ZNF638: variants seen among roughly 807,000 people sequenced by gnomAD.
ZNF638 encodes the protein zinc finger protein 638.
A neutral mutation model predicts 195.6 loss-of-function variants in ZNF638; 46 were observed. The observed-to-expected ratio is 0.24, with a 90% CI of 0.19 to 0.30. ZNF638 has a LOEUF of 0.30. Ranked by LOEUF, ZNF638 falls within the 10% of genes least tolerant of loss-of-function variation. The probability of loss-of-function intolerance (pLI) is 1.00; values close to 1 mark genes in which losing one functional copy is unlikely to be tolerated. For missense variants in ZNF638, 2,440 were observed against 2,325.3 expected, an observed-to-expected ratio of 1.05 and a Z score of -1.01; for synonymous variants, 845 against 772.0, an observed-to-expected ratio of 1.09 and a Z score of -1.57.
chr2:71,380,065 A>G (rs1374407385), intron 8 of ZNF638, 157 bp from the exon 9 acceptor site: 1 of 456,744 alleles, frequency 2.2e-6, no homozygotes, highest in East Asian at 3.7e-5. Context: ...ATGTAAAATT[A>G]GGCTGTGTAA....
chr2:71,395,857 G>T (rs540735972), intron 10 of ZNF638: 1 of 490,454 alleles, frequency 2.0e-6, no homozygotes, highest in African/African-American at 2.0e-5. Flanking sequence ...TGGAAATGGG[G>T]AATAATTCCT....
chr2:71,383,744 CTTTTTTTTTTTCTTTTTCTTTT>C (rs1211595980), intron 10 of ZNF638, among the ~76,000 whole-genome samples: 1 of 92,534 alleles, frequency 1.1e-5, no homozygotes, highest in Non-Finnish European at 2.2e-5. Context: ...GCTAATTTTT[CTTTTTTTTTTTCTTTTTCTTTT>C]TTTTTTTTTT....
Position 71,400,514 on chromosome 2 carries a change from A to T in ZNF638, c.2693A>T (p.Asn898Ile). The T allele has an allele frequency of 6.2e-7, 1 of 1,602,948 alleles. No individual in the cohort carries two copies. Among genetic ancestry groups the T allele is most frequent in the Non-Finnish European group, 8.5e-7 (1 of 1,176,018 alleles). The change falls in exon 15 of 28, where the codon AAC (asparagine) becomes ATC (isoleucine). Residue 898 changes from asparagine to isoleucine, a missense_variant. Coordinates refer to ENST00000264447, the MANE Select transcript of ZNF638 (RefSeq NM_014497.5). ...ALEATENEPLNKETEEMCVML... is the reference protein window; with the variant it reads ...ALEATENEPLIKETEEMCVML... ...GAGGCCACAGAGAATGAACCACTTAACAAGGTCAGTTTTCATGTTTTATTT... is the reference window on the plus strand; with the variant it reads ...GAGGCCACAGAGAATGAACCACTTATCAAGGTCAGTTTTCATGTTTTATTT...
rs1230172822 is a variant in ZNF638 at position 71,363,955 on chromosome 2, A to G, written c.1420A>G (p.Asn474Asp). ...WNPEILPSRR[N>D]EGNRKENETP... ...TCTTTTCCGCCCCCCTGCTTGTAGA[A>G]ATGAGGGCAATAGAAAAGAAAATGA... The change falls in exon 5 of 28, where the codon AAT becomes GAT. Residue 474 changes from asparagine (N) to aspartate (D), a missense_variant and splice_region_variant. Physicochemically the swap from Asn to Asp is conservative, Grantham distance 23. This residue lies in a region of ZNF638 where 1,883 missense variants were observed against 1,739.1 expected (regional missense o/e 1.08). Transcript: ENST00000264447. 3.1e-6 allele frequency: 5 copies of G among 1,606,516 alleles called. No individual in the cohort carries two copies. In the East Asian group the frequency reaches 8.9e-5, roughly 29 times the overall value.
At chr2:71,429,650 C>CCTA (rs1491239734) in intron 25 of ZNF638, among the ~76,000 whole-genome samples, 1 of 152,142 alleles carries the variant, frequency 6.6e-6, no homozygotes, top group African/African-American at 2.4e-5. Flanking sequence ...GAAAGAACCA[C>CCTA]CTACTTTTAC....
intron 10 of ZNF638, among the ~76,000 whole-genome samples, chr2:71,384,784 T>C (rs1368256823): frequency 4.6e-5 from 7 of 152,354 alleles, no homozygotes; most frequent in African/African-American, 1.2e-4. Context: ...GACATTCTTT[T>C]AAATCTAAGT....
At chr2:71,366,311 G>A (rs1036085757) in intron 6 of ZNF638, among the ~76,000 whole-genome samples, 2 of 151,470 alleles carry the variant, frequency 1.3e-5, no homozygotes, top group Non-Finnish European at 2.9e-5. Flanking sequence ...AGTGAGCTGA[G>A]GTCACACCAC....
chr2:71,364,388 A>G (rs1225485077), intron 5 of ZNF638, 136 bp downstream of exon 5: 2 of 911,814 alleles, frequency 2.2e-6, no homozygotes, highest in Non-Finnish European at 3.2e-6. Flanking sequence ...CACATGCCAC[A>G]GAGTTATTCC....
At chr2:71,400,299 CAG>C in intron 14 of ZNF638, 119 bp downstream of exon 14, 1 of 1,057,676 alleles carries the variant, frequency 9.5e-7, no homozygotes, top group African/African-American at 1.6e-5. Flanking sequence ...ATTTTGATCT[CAG>C]AATGAAATTT....
In ZNF638 at chr2:71,395,580, C is replaced by T. The variant is rs142429929; in HGVS notation, c.2378-561C>T. The T allele has an allele frequency of 6.6e-4, 391 of 593,872 alleles. 3 individuals are homozygous for T. In the East Asian group the frequency reaches 0.012, roughly 18 times the overall value. 36.8% of individuals were successfully genotyped at this position (593,872 alleles called of 1,614,324 possible). A position where few individuals can be genotyped will look rare whatever the true frequency, so the allele number is the denominator to read the frequency against. On this transcript the variant is annotated intron_variant, in intron 10 of 27. Coordinates refer to ENST00000264447, the MANE Select transcript of ZNF638 (RefSeq NM_014497.5). ...GCAGACCTTTGATCATCCTATTGCG[C>T]GCAGGACTGCTCCCAAGGCGGTGGG...
intron 10 of ZNF638, among the ~76,000 whole-genome samples, chr2:71,395,085 A>G (rs1230743678): frequency 6.6e-6 from 1 of 152,212 alleles, no homozygotes; most frequent in Non-Finnish European, 1.5e-5. Context: ...ACTTAAAACT[A>G]AAATTCTAGA....
chr2:71,418,585 T>G lies in ZNF638; in HGVS notation c.3262-17T>G. On this transcript the variant is annotated splice_polypyrimidine_tract_variant and intron_variant, in intron 20 of 27. Coordinates refer to ENST00000264447, the MANE Select transcript of ZNF638 (RefSeq NM_014497.5). ...TCCAGTGGAATAGCCTCTAATAAAA[T>G]GCTGATTATATTACAGGTGCAAATT... 1 of 1,530,384 alleles carries G rather than the reference T, an allele frequency of 6.5e-7. No individual in the cohort carries two copies. Among genetic ancestry groups the G allele is most frequent in the Non-Finnish European group, 8.8e-7 (1 of 1,138,684 alleles). The allele number at this position is 1,530,384 out of a possible 1,614,324, so 94.8% of individuals were successfully genotyped here. A position where few individuals can be genotyped will look rare whatever the true frequency, so the allele number is the denominator to read the frequency against.
intron 10 of ZNF638, among the ~76,000 whole-genome samples, chr2:71,390,565 ATTC>A (rs2079751837): frequency 6.6e-6 from 1 of 152,166 alleles, no homozygotes; most frequent in Admixed American, 6.5e-5. Context: ...CTCAGTTACT[ATTC>A]TTACCGTACT....
At chr2:71,397,781 C>T (rs1179311463) in intron 11 of ZNF638, among the ~76,000 whole-genome samples, 1 of 152,172 alleles carries the variant, frequency 6.6e-6, no homozygotes, top group Non-Finnish European at 1.5e-5. Context: ...TCTTCTGCAA[C>T]ACTTTCATGA....
chr2:71,346,418 CATT>C (rs2078851570), intron 1 of ZNF638, among the ~76,000 whole-genome samples: 1 of 152,138 alleles, frequency 6.6e-6, no homozygotes, highest in South Asian at 2.1e-4. Context: ...ATGTAGGTAT[CATT>C]GTTTGGTAAG....
intron 1 of ZNF638, among the ~76,000 whole-genome samples, chr2:71,343,364 A>G (rs2078796465): frequency 1.3e-5 from 2 of 152,198 alleles, no homozygotes; most frequent in South Asian, 4.1e-4. Context: ...AAGGGGAAAA[A>G]GAAGGGTCTG....
chr2:71,402,164 A>G (rs1359133474), intron 16 of ZNF638, 77 bp downstream of exon 16: 3 of 1,453,092 alleles, frequency 2.1e-6, no homozygotes, highest in Non-Finnish European at 2.8e-6. Context: ...ACAAAACTAA[A>G]AAGAAAAGGT....
intron 3 of ZNF638, chr2:71,361,697 T>C (rs1271649126): frequency 6.6e-6 from 1 of 152,246 alleles, no homozygotes; most frequent in Non-Finnish European, 1.5e-5. Flanking sequence ...ATTCTCAAAG[T>C]AAGAAGAATG....
At chr2:71,419,089 G>A (rs1202933966) in intron 21 of ZNF638, among the ~76,000 whole-genome samples, 1 of 152,070 alleles carries the variant, frequency 6.6e-6, no homozygotes, top group African/African-American at 2.4e-5. Flanking sequence ...GTAAGTATTT[G>A]TCCAAAAAAA....
Sources: gnomAD v4.1 joint callset for allele counts (sites outside exome capture counted in the v4.1 genomes callset) on GRCh38, gnomAD v4.1.1 for gene constraint, gnomAD v4.1.1 regional missense constraint, MANE v1.5 for transcripts, NCBI Gene and HGNC (gene_info 2026-07-23, HGNC 2026-07-21) for gene names.